PRDM11: variants seen among roughly 807,000 people sequenced by gnomAD.
PRDM11 encodes the protein PR/SET domain 11, also known as PR domain-containing protein 11.
PRDM11 carries 20 observed loss-of-function variants against 97.8 expected under a neutral mutation model. The ratio of observed to expected loss-of-function variants is 0.20; its 90% CI spans 0.14 to 0.30. The LOEUF (loss-of-function observed/expected upper bound fraction) is 0.30. Ranked by LOEUF, PRDM11 falls within the 10% of genes least tolerant of loss-of-function variation. PRDM11 has a pLI of 1.00. For missense variants in PRDM11, 1,139 were observed against 1,555.2 expected, an observed-to-expected ratio of 0.73 and a Z score of 4.50; for synonymous variants, 599 against 637.7, an observed-to-expected ratio of 0.94 and a Z score of 0.91.
At chr11:45,095,668 C>A (rs557438516), upstream of PRDM11, 1 of 620,786 alleles carries the variant, frequency 1.6e-6, no homozygotes, top group African/African-American at 1.9e-5. Context: ...AGAACTGCAA[C>A]CCCTGGGACA....
At chr11:45,164,169 C>T (rs796289908) in intron 1 of PRDM11, among the ~76,000 whole-genome samples, 23 of 152,334 alleles carry the variant, frequency 1.5e-4, no homozygotes, top group African/African-American at 5.5e-4. Context: ...GACTCCCCAG[C>T]ACCCCGCGGG....
chr11:45,156,477 G>T (rs150482918), intron 1 of PRDM11, among the ~76,000 whole-genome samples: 1 of 152,222 alleles, frequency 6.6e-6, no homozygotes, highest in Non-Finnish European at 1.5e-5. Flanking sequence ...ACCGTGGTCC[G>T]CAGACCTCTG....
At chr11:45,216,358 C>T (rs966604536) in intron 5 of PRDM11, among the ~76,000 whole-genome samples, 1 of 152,168 alleles carries the variant, frequency 6.6e-6, no homozygotes, top group Non-Finnish European at 1.5e-5. Flanking sequence ...TAGATTTTGC[C>T]CCTCCTGGTA....
chr11:45,215,117 G>C (rs1420088523), intron 5 of PRDM11, among the ~76,000 whole-genome samples: 3 of 152,226 alleles, frequency 2.0e-5, no homozygotes, highest in Non-Finnish European at 4.4e-5. Context: ...CCATGTGCCA[G>C]TGCACTTTAG....
chr11:45,105,014 A>G (rs1443904319), intron 1 of PRDM11, among the ~76,000 whole-genome samples: 1 of 152,204 alleles, frequency 6.6e-6, no homozygotes, highest in East Asian at 1.9e-4. Context: ...ACCATAATCT[A>G]GGTGGTTTAC....
intron 4 of PRDM11, among the ~76,000 whole-genome samples, chr11:45,184,230 C>T (rs1245611103): frequency 5.3e-5 from 8 of 152,224 alleles, no homozygotes; most frequent in Admixed American, 2.6e-4. Context: ...GAGTGCAGCA[C>T]ACACAGGGGC....
At position 45,165,360 on chromosome 11, in the gene PRDM11, G is replaced by A. The variant is rs76472122; in HGVS notation, c.-6-16401G>A. Among the ~76,000 whole-genome samples, 1,087 of 152,346 alleles carry A rather than the reference G, an allele frequency of 7.1e-3. 10 individuals carry two copies. The highest frequency in any genetic ancestry group is 0.025 in the African/African-American group (1,024 of 41,586). ...TTGAGCCCTGCCGGTGCCAGCAACC[G>A]TTCTGGGTGCTGGGGATTTGGAAGC... On this transcript the variant is annotated intron_variant, in intron 1 of 7. Transcript: ENST00000683152.
chr11:45,137,915 T>G (rs1852906445), intron 1 of PRDM11, among the ~76,000 whole-genome samples: 1 of 152,178 alleles, frequency 6.6e-6, no homozygotes, highest in South Asian at 2.1e-4. Context: ...GTCCTCTCTC[T>G]GCGTGCACAC....
At chr11:45,200,489 TGAGGCA>T (rs1853288591) in intron 4 of PRDM11, among the ~76,000 whole-genome samples, 1 of 152,260 alleles carries the variant, frequency 6.6e-6, no homozygotes, top group East Asian at 1.9e-4. Flanking sequence ...ATAAGGAAAC[TGAGGCA>T]TGGTCAGCAA....
At chr11:45,157,253 G>A (rs1444680863) in intron 1 of PRDM11, among the ~76,000 whole-genome samples, 2 of 152,130 alleles carry the variant, frequency 1.3e-5, no homozygotes, top group Non-Finnish European at 2.9e-5. Flanking sequence ...AGGATGGTTT[G>A]GGGATGAAAC....
At chr11:45,100,544 C>T (rs1265583984) in intron 1 of PRDM11, among the ~76,000 whole-genome samples, 1 of 152,252 alleles carries the variant, frequency 6.6e-6, no homozygotes, top group African/African-American at 2.4e-5. Flanking sequence ...TACCCACCCA[C>T]TGGTGCTCAT....
At chr11:45,143,844 T>TGCTTCC (rs1851453297), upstream of PRDM11, among the ~76,000 whole-genome samples, 1 of 152,212 alleles carries the variant, frequency 6.6e-6, no homozygotes, top group African/African-American at 2.4e-5. Flanking sequence ...AATCCTGTTC[T>TGCTTCC]CCTTCCCCTT....
rs1241172372 is a variant in PRDM11, at chr11:45,231,585, G to A, written c.*3426G>A. The A allele has an allele frequency of 6.6e-6, 1 of 151,964 alleles. No homozygotes were observed. 9.4% of individuals were successfully genotyped at this position (151,964 alleles called of 1,614,324 possible). Reference sequence around the variant, plus strand: ...ACTTTCTTTGGCTCGTAGGGTTGGTGGGAAGTGAGATCAACCTTGAGGCCC... The same window carrying A: ...ACTTTCTTTGGCTCGTAGGGTTGGTAGGAAGTGAGATCAACCTTGAGGCCC... On this transcript the variant is annotated 3_prime_UTR_variant, in exon 8 of 8. Coordinates refer to ENST00000683152, the MANE Select transcript of PRDM11 (RefSeq NM_001384648.1).
At chr11:45,124,657 G>A (rs1315738441) in intron 1 of PRDM11, among the ~76,000 whole-genome samples, 8 of 152,186 alleles carry the variant, frequency 5.3e-5, no homozygotes, top group African/African-American at 1.7e-4. Flanking sequence ...ATTTGCATAT[G>A]TTGAACCAGC....
At chr11:45,103,211 A>T (rs898929122) in intron 1 of PRDM11, among the ~76,000 whole-genome samples, 1 of 152,102 alleles carries the variant, frequency 6.6e-6, no homozygotes. Context: ...AAAGCCCAGA[A>T]ACCCTGACCA....
At position 45,233,542 on chromosome 11, in the gene PRDM11, G is replaced by C. The variant is rs1473173956; in HGVS notation, c.*5383G>C. 2 of 152,230 alleles carry C rather than the reference G, an allele frequency of 1.3e-5. No individual in the cohort carries two copies. Among genetic ancestry groups the C allele is most frequent in the African/African-American group, 2.4e-5 (1 of 41,440 alleles). 9.4% of individuals were successfully genotyped at this position (152,230 alleles called of 1,614,324 possible). On this transcript the variant is annotated 3_prime_UTR_variant, in exon 8 of 8. Transcript: ENST00000683152. The stretch of plus-strand genomic sequence containing the variant: ...CCCTCCCGCACCAGGACTGAGCAGC[G>C]TCAGTGGCAATAGGAAAGGTCCAAA...
In PRDM11 at chr11:45,229,690, A is replaced by G. The variant is rs998148423; in HGVS notation, c.*1531A>G. 3.9e-5 allele frequency: 6 copies of G among 152,230 alleles called. No homozygotes were observed. The highest frequency in any genetic ancestry group is 8.8e-5 in the Non-Finnish European group (6 of 68,042). The allele number at this position is 152,230 out of a possible 1,614,324, so 9.4% of individuals were successfully genotyped here. ...CGTGAGCTGTTAAAAACTTCTGTTC[A>G]TGTTCCTACATCTGATTTATGCATA... On this transcript the variant is annotated 3_prime_UTR_variant, in exon 8 of 8. Coordinates refer to ENST00000683152, the MANE Select transcript of PRDM11 (RefSeq NM_001384648.1).
chr11:45,130,036 C>T lies in PRDM11; in HGVS notation c.96+34135C>T, dbSNP rs536141991. On this transcript the variant is annotated intron_variant, in intron 1 of 6. Coordinates refer to the PRDM11 transcript ENST00000530656. ...CTGCAATCCAGTGGGTGGAGAATGCCTTTTAAATAAATGGCCTAATGTCTT... is the reference window on the plus strand; with the variant it reads ...CTGCAATCCAGTGGGTGGAGAATGCTTTTTAAATAAATGGCCTAATGTCTT... 1.6e-4 allele frequency among the ~76,000 whole-genome samples: 25 copies of T among 152,166 alleles called. No individual in the cohort carries two copies. In the South Asian group the frequency reaches 4.8e-3, roughly 29 times the overall value.
intron 1 of PRDM11, among the ~76,000 whole-genome samples, chr11:45,127,224 A>G (rs1004090901): frequency 6.6e-6 from 1 of 152,118 alleles, no homozygotes; most frequent in Non-Finnish European, 1.5e-5. Flanking sequence ...TGGTTATTCT[A>G]GTTATACATT....
Sources: gnomAD v4.1 joint callset for allele counts (sites outside exome capture counted in the v4.1 genomes callset) on GRCh38, gnomAD v4.1.1 for gene constraint, MANE v1.5 for transcripts, NCBI Gene and HGNC (gene_info 2026-07-23, HGNC 2026-07-21) for gene names.